Variants in SLCO3A1 observed in about 807,000 individuals in gnomAD.
The protein encoded by SLCO3A1 is solute carrier organic anion transporter family member 3A1.
In SLCO3A1, 27 loss-of-function variants were observed where a neutral mutation model predicts 63.1. The ratio of observed to expected loss-of-function variants is 0.43; its 90% CI spans 0.32 to 0.59. The LOEUF is 0.59. Ranked by LOEUF, SLCO3A1 falls within the 20% of genes least tolerant of loss-of-function variation. The pLI, the probability that SLCO3A1 is intolerant of heterozygous loss-of-function variation, is 0.09. For synonymous variants in SLCO3A1, 473 were observed against 409.9 expected (o/e 1.15, Z -1.86); for missense variants, 773 against 945.8 (o/e 0.82, Z 2.40).
At chr15:91,964,500 G>T (rs1216483275) in intron 2 of SLCO3A1, among the ~76,000 whole-genome samples, 1 of 151,864 alleles carries the variant, frequency 6.6e-6, no homozygotes, top group African/African-American at 2.4e-5. Context: ...CTGTGTAGTA[G>T]CTCTTGCCAT....
rs1419126627 is a variant in SLCO3A1, at chr15:91,916,793, C to T, written c.646+335C>T. On this transcript the variant is annotated intron_variant, in intron 2 of 9. Coordinates refer to ENST00000318445, the MANE Select transcript of SLCO3A1 (RefSeq NM_013272.4). This position sits in a 1 kb window ranked among gnomAD's most constrained non-coding sequence, Gnocchi z 6.2. ...CTTTGGGCTTTCTGATATTAGCCAC[C>T]AAGGTATACTTGGGGTCTACACATT... 1.3e-5 allele frequency among the ~76,000 whole-genome samples: 2 copies of T among 152,084 alleles called. No homozygotes were observed.
At chr15:91,913,924 C>G (rs1393449166) in intron 1 of SLCO3A1, among the ~76,000 whole-genome samples, 1 of 152,110 alleles carries the variant, frequency 6.6e-6, no homozygotes, top group African/African-American at 2.4e-5. Context: ...TTCTTCTCCC[C>G]TCTCTCAATA....
Position 91,968,711 on chromosome 15 carries a change from C to T in SLCO3A1, c.646+52253C>T, listed in dbSNP as rs751175732. 1.3e-5 allele frequency among the ~76,000 whole-genome samples: 2 copies of T among 152,220 alleles called. No individual in the cohort carries two copies. The highest frequency in any genetic ancestry group is 2.9e-5 in the Non-Finnish European group (2 of 68,040). On this transcript the variant is annotated intron_variant, in intron 2 of 9. Coordinates refer to ENST00000318445, the MANE Select transcript of SLCO3A1 (RefSeq NM_013272.4). This position sits in a 1 kb window ranked among gnomAD's most constrained non-coding sequence, Gnocchi z 4.2. ...CACGCAGACCCGCAAGCACAGCCTT[C>T]GCACGTGTGCTCACACAGCCGCAGT...
intron 1 of SLCO3A1, among the ~76,000 whole-genome samples, chr15:91,890,243 C>G (rs886862096): frequency 1.3e-5 from 2 of 152,172 alleles, no homozygotes; most frequent in African/African-American, 4.8e-5. Flanking sequence ...CTGCAATTAA[C>G]ATTTTGCTAT....
intron 2 of SLCO3A1, among the ~76,000 whole-genome samples, chr15:91,939,866 A>G (rs773503660): frequency 6.6e-6 from 1 of 152,082 alleles, no homozygotes; most frequent in Non-Finnish European, 1.5e-5. Flanking sequence ...ACAGCTAGCA[A>G]TTACTGAGTT....
At chr15:91,895,687 C>T (rs1328976488) in intron 1 of SLCO3A1, among the ~76,000 whole-genome samples, 1 of 152,186 alleles carries the variant, frequency 6.6e-6, no homozygotes, top group Non-Finnish European at 1.5e-5. Flanking sequence ...GATATTGAAG[C>T]TATTTTCTTG....
intron 2 of SLCO3A1, among the ~76,000 whole-genome samples, chr15:92,090,548 G>T (rs1221250122): frequency 6.6e-6 from 1 of 152,174 alleles, no homozygotes; most frequent in Non-Finnish European, 1.5e-5. Flanking sequence ...GCTTGGCTTG[G>T]CAAGCAGCAG....
chr15:92,164,773 G>C lies in SLCO3A1; in HGVS notation c.*1638G>C. 1 of 985,404 alleles carries C rather than the reference G, an allele frequency of 1.0e-6. No individual in the cohort carries two copies. The highest frequency in any genetic ancestry group is 1.2e-6 in the Non-Finnish European group (1 of 829,952). 61.0% of individuals were successfully genotyped at this position (985,404 alleles called of 1,614,324 possible). A position where few individuals can be genotyped will look rare whatever the true frequency, so the allele number is the denominator to read the frequency against. On this transcript the variant is annotated 3_prime_UTR_variant, in exon 10 of 10. Coordinates refer to ENST00000318445, the MANE Select transcript of SLCO3A1 (RefSeq NM_013272.4). ...GAGAATGAACCTGTTATGATTTGGG[G>C]TAAGAATCACGTTGGAAAACCTCTC...
downstream of SLCO3A1, among the ~76,000 whole-genome samples, chr15:92,169,436 T>A (rs1381581213): frequency 6.6e-6 from 1 of 152,324 alleles, no homozygotes; most frequent in African/African-American, 2.4e-5. Context: ...GGGCCCCACA[T>A]GCTCCCACGT....
intron 1 of SLCO3A1, among the ~76,000 whole-genome samples, chr15:91,866,574 TTAAAAAAAAAAAAA>T (rs889247689): frequency 1.9e-4 from 28 of 144,708 alleles, no homozygotes; most frequent in Admixed American, 6.8e-4. Context: ...GCTCCTTTTT[TTAAAAAAAAAAAAA>T]AAAGAAAAAA....
intron 9 of SLCO3A1, among the ~76,000 whole-genome samples, chr15:92,153,858 G>A (rs2048338600): frequency 1.3e-5 from 2 of 152,178 alleles, no homozygotes; most frequent in African/African-American, 4.8e-5. Context: ...AGACTGGGGG[G>A]AAAGGGGGGA....
At chr15:91,904,563 G>A (rs879758041) in intron 1 of SLCO3A1, among the ~76,000 whole-genome samples, 2 of 152,230 alleles carry the variant, frequency 1.3e-5, no homozygotes, top group Middle Eastern at 3.2e-3. Context: ...GATGAAGCCA[G>A]TGAGGGTGTT....
chr15:92,086,951 C>T (rs115260367), intron 2 of SLCO3A1, among the ~76,000 whole-genome samples: 1 of 149,352 alleles, frequency 6.7e-6, no homozygotes, highest in Non-Finnish European at 1.5e-5. Context: ...TCACTTCACT[C>T]TAACCGGGGT....
rs1900121102 is a variant in SLCO3A1 at position 91,954,964 on chromosome 15, C to T, written c.646+38506C>T. Among the ~76,000 whole-genome samples the T allele has an allele frequency of 6.6e-6, 1 of 152,180 alleles. No individual in the cohort carries two copies. Among genetic ancestry groups the T allele is most frequent in the African/African-American group, 2.4e-5 (1 of 41,442 alleles). On this transcript the variant is annotated intron_variant, in intron 2 of 9. Coordinates refer to ENST00000318445, the MANE Select transcript of SLCO3A1 (RefSeq NM_013272.4). This position sits in a 1 kb window ranked among gnomAD's most constrained non-coding sequence, Gnocchi z 4.7. ...GCCATGTTCTCCTCTTGGCCTTGGG[C>T]TCTGATCAGATGCTCAGTTGTCTCC...
At chr15:91,907,959 C>A (rs55638463) in intron 1 of SLCO3A1, among the ~76,000 whole-genome samples, 10,596 of 152,178 alleles carry the variant, frequency 0.07, 527 homozygotes, top group Non-Finnish European at 0.11. Context: ...AGAGAGCCAG[C>A]AGCTTTCATG....
chr15:91,950,616 C>A lies in SLCO3A1; in HGVS notation c.646+34158C>A, dbSNP rs1267421315. ...GAGGTTCCTAGTTCTTACCTAATTTCTCTTCAATTTCTCATGCACTGCATC... is the reference window on the plus strand; with the variant it reads ...GAGGTTCCTAGTTCTTACCTAATTTATCTTCAATTTCTCATGCACTGCATC... On this transcript the variant is annotated intron_variant, in intron 2 of 9. Transcript: ENST00000318445. This position sits in a 1 kb window ranked among gnomAD's most constrained non-coding sequence, Gnocchi z 4.4. 6.6e-6 allele frequency among the ~76,000 whole-genome samples: 1 copy of A among 152,216 alleles called. No individual in the cohort carries two copies. Among genetic ancestry groups the A allele is most frequent in the Non-Finnish European group, 1.5e-5 (1 of 68,034 alleles).
Position 92,116,378 on chromosome 15 carries a change from G to A in SLCO3A1, c.1010-4087G>A, listed in dbSNP as rs1207681884. Among the ~76,000 whole-genome samples the A allele has an allele frequency of 3.3e-5, 5 of 152,166 alleles. No individual in the cohort carries two copies. In the South Asian group the frequency reaches 6.2e-4, roughly 19 times the overall value. ...TTTCCCTAGAGACCGCTCTCCTGCC[G>A]CTCTTTCCACCTTTGTGTCATCTTG... is the stretch of plus-strand genomic sequence containing the variant. On this transcript the variant is annotated intron_variant, in intron 4 of 9. Coordinates refer to ENST00000318445, the MANE Select transcript of SLCO3A1 (RefSeq NM_013272.4).
At chr15:91,998,037 C>G (rs1274044884) in intron 2 of SLCO3A1, among the ~76,000 whole-genome samples, 3 of 152,146 alleles carry the variant, frequency 2.0e-5, no homozygotes, top group Non-Finnish European at 4.4e-5. Context: ...AAGAAACTAT[C>G]AATAGAGTAA....
intron 2 of SLCO3A1, among the ~76,000 whole-genome samples, chr15:91,961,427 CAGA>C (rs1194353316): frequency 6.6e-6 from 1 of 152,164 alleles, no homozygotes; most frequent in Non-Finnish European, 1.5e-5. Flanking sequence ...AATGGTGGGG[CAGA>C]AGAACAGCTC....
Sources: gnomAD v4.1 joint callset for allele counts (sites outside exome capture counted in the v4.1 genomes callset) on GRCh38, gnomAD v4.1.1 for gene constraint, Gnocchi (gnomAD v3.1) non-coding constraint, MANE v1.5 for transcripts, NCBI Gene and HGNC (gene_info 2026-07-23, HGNC 2026-07-21) for gene names.